Variants in JARID2 observed in about 807,000 individuals in gnomAD.
JARID2 encodes jumonji and AT-rich interaction domain containing 2.
JARID2 carries 21 observed loss-of-function variants against 125.6 expected under a neutral mutation model. That is an observed-to-expected ratio of 0.17 (90% confidence interval 0.12 to 0.24). The LOEUF is 0.24. Ranked by LOEUF, JARID2 falls within the 10% of genes least tolerant of loss-of-function variation. The pLI is 1.00. For missense variants in JARID2, 1,303 were observed against 1,639.6 expected, an observed-to-expected ratio of 0.79 and a Z score of 3.55; for synonymous variants, 736 against 661.6, an observed-to-expected ratio of 1.11 and a Z score of -1.73.
At chr6:15,354,390 C>A (rs962740675) in intron 1 of JARID2, among the ~76,000 whole-genome samples, 3 of 152,174 alleles carry the variant, frequency 2.0e-5, no homozygotes, top group Admixed American at 1.3e-4. Flanking sequence ...CTACTTACTT[C>A]CAGAACTGTA....
chr6:15,256,996 CTA>C (rs1410218218), intron 1 of JARID2, among the ~76,000 whole-genome samples: 1 of 152,066 alleles, frequency 6.6e-6, no homozygotes, highest in African/African-American at 2.4e-5. Flanking sequence ...ATTTTGGACG[CTA>C]TAATTTTATA....
At chr6:15,361,898 T>C in intron 1 of JARID2, among the ~76,000 whole-genome samples, 1 of 148,972 alleles carries the variant, frequency 6.7e-6, no homozygotes. Flanking sequence ...CCCCCTTTTT[T>C]TTTTTTTTTT....
chr6:15,414,805 TA>T (rs1237601325), intron 3 of JARID2, among the ~76,000 whole-genome samples: 1 of 152,160 alleles, frequency 6.6e-6, no homozygotes, highest in Non-Finnish European at 1.5e-5. Flanking sequence ...TTATAACATA[TA>T]TTTTTTTGTT....
intron 3 of JARID2, among the ~76,000 whole-genome samples, chr6:15,418,881 G>A (rs1766358207): frequency 6.6e-6 from 1 of 152,144 alleles, no homozygotes. Context: ...TTGTCTGCAC[G>A]ACTGTGTTCC....
intron 5 of JARID2, among the ~76,000 whole-genome samples, chr6:15,479,990 C>T (rs1769532436): frequency 6.6e-6 from 1 of 152,190 alleles, no homozygotes; most frequent in Admixed American, 6.5e-5. Context: ...GGCTTTTGTA[C>T]AGTAACAGGG....
intron 3 of JARID2, among the ~76,000 whole-genome samples, chr6:15,436,605 C>T (rs1767214848): frequency 6.6e-6 from 1 of 152,088 alleles, no homozygotes; most frequent in Admixed American, 6.5e-5. Flanking sequence ...GAGCCCTAGC[C>T]AGGGGCCACG....
At chr6:15,306,278 C>T (rs1761819386) in intron 1 of JARID2, among the ~76,000 whole-genome samples, 1 of 151,860 alleles carries the variant, frequency 6.6e-6, no homozygotes, top group South Asian at 2.1e-4. Context: ...TTCCTTCCCC[C>T]TGCAGTGAGC....
chr6:15,487,182 C>T (rs1769912850), intron 5 of JARID2, 125 bp from the exon 6 acceptor site: 1 of 773,530 alleles, frequency 1.3e-6, no homozygotes, highest in Non-Finnish European at 2.1e-6. Flanking sequence ...AGTTCCCTCG[C>T]TAACACATGG....
intron 3 of JARID2, among the ~76,000 whole-genome samples, chr6:15,449,501 A>G (rs1767821483): frequency 6.6e-6 from 1 of 151,586 alleles, no homozygotes; most frequent in Non-Finnish European, 1.5e-5. Flanking sequence ...AAAACCCAGC[A>G]ACAGCAACAA....
intron 1 of JARID2, among the ~76,000 whole-genome samples, chr6:15,313,670 C>T (rs1762088824): frequency 2.0e-5 from 3 of 152,124 alleles, no homozygotes; most frequent in Admixed American, 2.0e-4. Flanking sequence ...AGTGTTTTGA[C>T]TTGCAAATCT....
At chr6:15,266,031 A>C (rs1297748750) in intron 1 of JARID2, among the ~76,000 whole-genome samples, 1 of 152,184 alleles carries the variant, frequency 6.6e-6, no homozygotes, top group Non-Finnish European at 1.5e-5. Flanking sequence ...TCATATTCAT[A>C]AAAGAGATGG....
intron 5 of JARID2, among the ~76,000 whole-genome samples, chr6:15,474,673 T>C (rs1311735764): frequency 6.6e-6 from 1 of 152,206 alleles, no homozygotes; most frequent in African/African-American, 2.4e-5. Flanking sequence ...AGATCTCTAA[T>C]GGTGGATGCC....
At chr6:15,309,930 A>C (rs751619959) in intron 1 of JARID2, among the ~76,000 whole-genome samples, 1 of 152,172 alleles carries the variant, frequency 6.6e-6, no homozygotes, top group Non-Finnish European at 1.5e-5. Context: ...TTCTCCAGGA[A>C]ACGTGTATTA....
chr6:15,381,347 A>C (rs1764579561), intron 2 of JARID2, among the ~76,000 whole-genome samples: 2 of 151,082 alleles, frequency 1.3e-5, no homozygotes, highest in Non-Finnish European at 3.0e-5. Context: ...GTCTCAAAAA[A>C]AAAAAAAAAA....
chr6:15,292,057 C>T (rs1216137164), intron 1 of JARID2, among the ~76,000 whole-genome samples: 1 of 152,046 alleles, frequency 6.6e-6, no homozygotes, highest in Non-Finnish European at 1.5e-5. Flanking sequence ...TGCTCTGTCG[C>T]CCAAGCTGGA....
At chr6:15,428,269 GAT>G (rs758659285) in intron 3 of JARID2, among the ~76,000 whole-genome samples, 2 of 151,846 alleles carry the variant, frequency 1.3e-5, no homozygotes, top group African/African-American at 2.4e-5. Flanking sequence ...TTTTTTGTTA[GAT>G]ATATATTTTT....
intron 1 of JARID2, among the ~76,000 whole-genome samples, chr6:15,330,153 T>C (rs1272226522): frequency 2.0e-5 from 3 of 152,240 alleles, no homozygotes; most frequent in East Asian, 3.8e-4. Flanking sequence ...AGGCTGTAAC[T>C]TTAAAAGAAA....
chr6:15,509,478 C>G (rs1222020221), intron 12 of JARID2: 1 of 410,904 alleles, frequency 2.4e-6, no homozygotes, highest in African/African-American at 2.2e-5. Context: ...CCACATGGGT[C>G]TGTGTGCCAT....
At chr6:15,280,662 TCTGTTGCCC>T (rs1287789690) in intron 1 of JARID2, among the ~76,000 whole-genome samples, 2 of 148,294 alleles carry the variant, frequency 1.3e-5, no homozygotes, top group Non-Finnish European at 3.0e-5. Flanking sequence ...GGAGTCTCGC[TCTGTTGCCC>T]AGGCTGGAGT....
Sources: allele counts gnomAD v4.1 joint callset (sites outside exome capture counted in the v4.1 genomes callset), GRCh38; gene constraint gnomAD v4.1.1; transcripts MANE v1.5; gene names NCBI Gene and HGNC (gene_info 2026-07-23, HGNC 2026-07-21).